Variants in TRPM1 observed in about 807,000 individuals in gnomAD.
TRPM1 encodes transient receptor potential cation channel subfamily M member 1.
TRPM1 carries 113 observed loss-of-function variants against 149.4 expected under a neutral mutation model. The observed-to-expected ratio is 0.76, with a 90% CI of 0.65 to 0.88. The LOEUF is 0.88. Ranked by LOEUF, TRPM1 falls within the 40% of genes least tolerant of loss-of-function variation. The pLI is 0.00. For missense variants in TRPM1, 1,976 were observed against 2,038.7 expected (o/e 0.97, Z 0.59); for synonymous variants, 741 against 759.5 (o/e 0.98, Z 0.40).
rs2033913443 is a variant in TRPM1 at position 31,050,408 on chromosome 15, C to T, written c.1437+1G>A. Reference sequence around the variant, plus strand: ...CGTGATCTCTGTGACCTTCCACATACCCAGTTCAGCAGCTCTATCTTCCGG... The same window carrying T: ...CGTGATCTCTGTGACCTTCCACATATCCAGTTCAGCAGCTCTATCTTCCGG... On this transcript the variant is annotated splice_donor_variant, in intron 12 of 27. Coordinates refer to ENST00000256552, the MANE Select transcript of TRPM1 (RefSeq NM_001252024.2). LOFTEE classifies it high-confidence loss of function. 1.9e-6 allele frequency: 3 copies of T among 1,614,164 alleles called. No homozygotes were observed. The highest frequency in any genetic ancestry group is 2.5e-6 in the Non-Finnish European group (3 of 1,180,030).
chr15:31,016,579 C>G (rs1369055669), intron 27 of TRPM1, among the ~76,000 whole-genome samples: 10 of 152,190 alleles, frequency 6.6e-5, no homozygotes. Flanking sequence ...GGCCATTTTT[C>G]TAACCACCAA....
At chr15:31,075,867 G>T (rs2034673669) in intron 3 of TRPM1, among the ~76,000 whole-genome samples, 2 of 151,426 alleles carry the variant, frequency 1.3e-5, no homozygotes, top group South Asian at 2.1e-4. Context: ...TAAACGGTTG[G>T]TTTTTTCATT....
chr15:31,089,952 G>T (rs1265502999), intron 1 of TRPM1, among the ~76,000 whole-genome samples: 2 of 152,110 alleles, frequency 1.3e-5, no homozygotes, highest in Admixed American at 6.5e-5. Context: ...AAGTGACTAC[G>T]GTGTGTGTGT....
chr15:31,033,872 GC>G (rs1567005235), intron 21 of TRPM1, among the ~76,000 whole-genome samples: 1 of 152,142 alleles, frequency 6.6e-6, no homozygotes, highest in African/African-American at 2.4e-5. Flanking sequence ...TTTGAATGAG[GC>G]CCAGCTAGAA....
intron 1 of TRPM1, among the ~76,000 whole-genome samples, chr15:31,134,037 G>T (rs1490199814): frequency 6.6e-6 from 1 of 152,236 alleles, no homozygotes; most frequent in Non-Finnish European, 1.5e-5. Context: ...TGCCCTGGCA[G>T]TCCATGCAAA....
At chr15:31,047,058 G>C (rs780935152) in intron 15 of TRPM1, 53 bp downstream of exon 15, 54 of 1,612,526 alleles carry the variant, frequency 3.3e-5, no homozygotes, top group Non-Finnish European at 4.4e-5. Context: ...AGCAAGCGAG[G>C]AACCACATGG....
At chr15:31,114,716 G>T (rs1264079318) in intron 1 of TRPM1, among the ~76,000 whole-genome samples, 1 of 152,146 alleles carries the variant, frequency 6.6e-6, no homozygotes, top group Non-Finnish European at 1.5e-5. Context: ...TGCCAACCTA[G>T]AATTTTATGT....
rs559248592 is a variant in TRPM1 at position 31,159,921 on chromosome 15, C to T, written c.54+985G>A. Among the ~76,000 whole-genome samples the T allele has an allele frequency of 6.6e-5, 10 of 152,258 alleles. No homozygotes were observed. The South Asian group carries it at 8.3e-4, about 13-fold the overall frequency. On this transcript the variant is annotated intron_variant, in intron 1 of 26. Coordinates refer to the TRPM1 transcript ENST00000542188. ...AGCTCTGGGGTACTGGTGGGCATGT[C>T]GTGGGTGCTCAGTAAGTGCCAGCTG... is the stretch of plus-strand genomic sequence containing the variant.
At chr15:31,105,916 C>G (rs2035600336), upstream of TRPM1, among the ~76,000 whole-genome samples, 1 of 152,206 alleles carries the variant, frequency 6.6e-6, no homozygotes, top group South Asian at 2.1e-4. Context: ...AGCACTAACA[C>G]TAAAGGCAGA....
chr15:31,145,637 T>C (rs962917072), intron 1 of TRPM1, among the ~76,000 whole-genome samples: 2 of 152,200 alleles, frequency 1.3e-5, no homozygotes, highest in African/African-American at 2.4e-5. Context: ...GATGTTAGAA[T>C]TGCTATGTAA....
chr15:31,116,924 A>G (rs2035806182), intron 1 of TRPM1, among the ~76,000 whole-genome samples: 1 of 152,232 alleles, frequency 6.6e-6, no homozygotes, highest in South Asian at 2.1e-4. Context: ...TTTCAATAAA[A>G]TAATTACAAG....
At chr15:31,023,939 T>G (rs753985156) in intron 27 of TRPM1, among the ~76,000 whole-genome samples, 11 of 152,102 alleles carry the variant, frequency 7.2e-5, no homozygotes, top group Non-Finnish European at 1.3e-4. Flanking sequence ...TTTCCAAACA[T>G]TAGGAGAGAA....
chr15:31,019,343 T>A (rs2032474111), intron 27 of TRPM1, among the ~76,000 whole-genome samples: 1 of 152,218 alleles, frequency 6.6e-6, no homozygotes, highest in Non-Finnish European at 1.5e-5. Flanking sequence ...CTTACAGAGT[T>A]TTTATGTGTG....
chr15:31,096,287 A>G (rs769737710), intron 1 of TRPM1, among the ~76,000 whole-genome samples: 1 of 152,198 alleles, frequency 6.6e-6, no homozygotes, highest in Non-Finnish European at 1.5e-5. Context: ...GATCTGCTTT[A>G]TCATTCTCTA....
intron 1 of TRPM1, among the ~76,000 whole-genome samples, chr15:31,160,039 T>C (rs1419587840): frequency 6.6e-6 from 1 of 152,030 alleles, no homozygotes; most frequent in Non-Finnish European, 1.5e-5. Context: ...CTGTGCACAA[T>C]GGGCAGCCCC....
intron 27 of TRPM1, among the ~76,000 whole-genome samples, chr15:31,012,198 T>C (rs537145867): frequency 1.3e-5 from 2 of 152,352 alleles, no homozygotes; most frequent in South Asian, 4.1e-4. Flanking sequence ...TGTAGTTAAA[T>C]TTACTGGTCC....
intron 3 of TRPM1, among the ~76,000 whole-genome samples, chr15:31,070,966 C>T (rs1404519510): frequency 6.6e-6 from 1 of 152,212 alleles, no homozygotes. Flanking sequence ...GGACAGATGG[C>T]CCATTGGGCC....
rs2034396871 is a variant in TRPM1, at chr15:31,067,077, G to C, written c.604C>G (p.Leu202Val). Residue 202 changes from leucine (L) to valine (V), a missense_variant, in exon 6 of 28, where the codon CTG (leucine) becomes GTG (valine). Leu to Val is a conservative substitution (Grantham distance 32). Transcript: ENST00000256552. ...AAAACACTTACATCCTTTCCAACCA[G>C]GTCTTCCTTATTCTCCACGATGCCC... Reference protein sequence around the residue: ...PWGIVENKEDLVGKDVTRVYQ... With the variant: ...PWGIVENKEDVVGKDVTRVYQ... The C allele has an allele frequency of 6.2e-7, 1 of 1,613,968 alleles. No individual in the cohort carries two copies. Among genetic ancestry groups the C allele is most frequent in the African/African-American group, 1.3e-5 (1 of 74,880 alleles).
intron 25 of TRPM1, 37 bp from the exon 26 acceptor site, chr15:31,027,154 A>G: frequency 6.3e-7 from 1 of 1,591,396 alleles, no homozygotes; most frequent in Non-Finnish European, 8.6e-7. Flanking sequence ...TAGTTATATT[A>G]CTTTTTATAG....
Sources: allele counts gnomAD v4.1 joint callset (sites outside exome capture counted in the v4.1 genomes callset), GRCh38; gene constraint gnomAD v4.1.1; transcripts MANE v1.5; gene names NCBI Gene and HGNC (gene_info 2026-07-23, HGNC 2026-07-21).